Variants in SLC4A10 observed in about 807,000 individuals in gnomAD.
SLC4A10 encodes solute carrier family 4 member 10, also known as sodium-driven chloride bicarbonate exchanger.
In SLC4A10, 42 loss-of-function variants were observed where a neutral mutation model predicts 137.7. The observed-to-expected ratio is 0.30, with a 90% CI of 0.24 to 0.39. The LOEUF is 0.39. SLC4A10 is among the 10% of genes least tolerant of loss of function. SLC4A10 has a pLI of 1.00. For synonymous variants in SLC4A10, 474 were observed against 464.1 expected, an observed-to-expected ratio of 1.02 and a Z score of -0.27; for missense variants, 925 against 1,355.0, an observed-to-expected ratio of 0.68 and a Z score of 4.98.
intron 10 of SLC4A10, among the ~76,000 whole-genome samples, chr2:161,890,451 T>C (rs1269955092): frequency 6.6e-6 from 1 of 152,190 alleles, no homozygotes; most frequent in Admixed American, 6.5e-5. Context: ...TCTAAGAACT[T>C]GCTTTATGAA....
chr2:161,833,079 T>C (rs1324495599), intron 3 of SLC4A10, among the ~76,000 whole-genome samples: 1 of 152,178 alleles, frequency 6.6e-6, no homozygotes, highest in Non-Finnish European at 1.5e-5. Context: ...TAGAGATACA[T>C]ACCTACAGTG....
chr2:161,805,239 T>G (rs2125603833), intron 3 of SLC4A10, among the ~76,000 whole-genome samples: 1 of 152,250 alleles, frequency 6.6e-6, no homozygotes, highest in African/African-American at 2.4e-5. Context: ...CCTGTCCTCA[T>G]TATTCAATTA....
Position 161,915,693 on chromosome 2 carries a change from C to T in SLC4A10, c.1997+9806C>T, listed in dbSNP as rs530677586. Among the ~76,000 whole-genome samples, 16 of 152,322 alleles carry T rather than the reference C, an allele frequency of 1.1e-4. 1 individual carries two copies. In the South Asian group the frequency reaches 2.9e-3, roughly 28 times the overall value. On this transcript the variant is annotated intron_variant, in intron 15 of 26. Transcript: ENST00000446997. The stretch of plus-strand genomic sequence containing the variant: ...CTCTAAAGCAACCAGCCAGTTCCTG[C>T]ACTTGCTTGTTCTGGTTCCCACACT...
chr2:161,904,052 C>A lies in SLC4A10; in HGVS notation c.1491C>A (p.Phe497Leu). ...ATATCAAAAGAAAAGCTCCATACTT[C>A]TGGAGTGACTTCAGAGATGCTTTCA... is the stretch of plus-strand genomic sequence containing the variant. The part of the protein sequence containing the change: ...ILDIKRKAPY[F>L]WSDFRDAFSL... The change falls in exon 13 of 27, where the codon TTC (phenylalanine) becomes TTA (leucine). Residue 497 changes from phenylalanine to leucine, a missense_variant. Physicochemically the swap from Phe to Leu is conservative, Grantham distance 22 (BLOSUM62 0). Transcript: ENST00000446997. 1 of 1,597,884 alleles carries A rather than the reference C, an allele frequency of 6.3e-7. No individual in the cohort carries two copies. The highest frequency in any genetic ancestry group is 8.5e-7 in the Non-Finnish European group (1 of 1,171,130).
rs532321819 is a variant in SLC4A10, at chr2:161,827,463, C to A, written c.278-12326C>A. On this transcript the variant is annotated intron_variant, in intron 3 of 26. Coordinates refer to ENST00000446997, the MANE Select transcript of SLC4A10 (RefSeq NM_001178015.2). The stretch of plus-strand genomic sequence containing the variant: ...TTAATTAATGGCATGATTATTCTAC[C>A]TGCTTCAATTTGTAAAGCTCTCTAT... 1.3e-3 allele frequency among the ~76,000 whole-genome samples: 203 copies of A among 152,270 alleles called. 1 individual carries two copies. The highest frequency in any genetic ancestry group is 1.6e-3 in the Non-Finnish European group (110 of 68,024).
intron 13 of SLC4A10, 144 bp from the exon 14 acceptor site, chr2:161,904,632 T>G (rs1370466343): frequency 1.1e-6 from 1 of 910,970 alleles, no homozygotes; most frequent in Non-Finnish European, 1.6e-6. Context: ...TTAGTCATCC[T>G]TCTACCCCAC....
At chr2:161,937,353 C>T (rs933980404) in intron 15 of SLC4A10, among the ~76,000 whole-genome samples, 1 of 152,154 alleles carries the variant, frequency 6.6e-6, no homozygotes, top group African/African-American at 2.4e-5. Flanking sequence ...TCAGTCTGCA[C>T]AGTCTAGACC....
intron 2 of SLC4A10, among the ~76,000 whole-genome samples, chr2:161,783,702 A>T (rs1300816791): frequency 1.3e-5 from 2 of 151,876 alleles, no homozygotes; most frequent in East Asian, 3.9e-4. Flanking sequence ...ATCAGGAAAA[A>T]ATAGACTGTC....
intron 5 of SLC4A10, among the ~76,000 whole-genome samples, chr2:161,857,514 A>G (rs1361861812): frequency 6.6e-6 from 1 of 152,190 alleles, no homozygotes; most frequent in African/African-American, 2.4e-5. Flanking sequence ...CTTTACTGTC[A>G]TTACTAAGAA....
chr2:161,947,724 C>A lies in SLC4A10; in HGVS notation c.2262C>A (p.Thr754=). 6.2e-7 allele frequency: 1 copy of A among 1,611,312 alleles called. No homozygotes were observed. Among genetic ancestry groups the A allele is most frequent in the Admixed American group, 1.7e-5 (1 of 59,676 alleles). Residue 754 remains threonine, a synonymous_variant, in exon 17 of 27, where the codon ACC becomes ACA. Coordinates refer to ENST00000446997, the MANE Select transcript of SLC4A10 (RefSeq NM_001178015.2). The stretch of plus-strand genomic sequence containing the variant: ...TCAAGACTAGCAGATATTTTCCAAC[C>A]AAGGTACTTAGACTATTTCTTGATC... ...KQFKTSRYFP[T]KVRSIVSDFA... is the part of the protein sequence containing the mutation.
At chr2:161,942,316 T>G (rs1692858159) in intron 15 of SLC4A10, among the ~76,000 whole-genome samples, 2 of 152,154 alleles carry the variant, frequency 1.3e-5, no homozygotes, top group Admixed American at 6.6e-5. Context: ...TCTAAGGCTG[T>G]TAATTTGTGG....
At chr2:161,808,238 G>A (rs969010586) in intron 3 of SLC4A10, among the ~76,000 whole-genome samples, 4 of 151,606 alleles carry the variant, frequency 2.6e-5, no homozygotes, top group South Asian at 2.1e-4. Flanking sequence ...TATTCATTAA[G>A]CATATTCCTT....
At chr2:161,968,879 G>A (rs59058310) in intron 23 of SLC4A10, among the ~76,000 whole-genome samples, 2,010 of 152,240 alleles carry the variant, frequency 0.013, 40 homozygotes, top group East Asian at 0.099. Flanking sequence ...TTGTTTGCCC[G>A]GATCTTGGTA....
intron 1 of SLC4A10, among the ~76,000 whole-genome samples, chr2:161,687,014 C>T (rs2041491957): frequency 2.0e-5 from 3 of 151,938 alleles, no homozygotes; most frequent in East Asian, 1.9e-4. Context: ...TCCCGAGTAG[C>T]TGGACTATAG....
chr2:161,954,309 A>G (rs1278076645), intron 19 of SLC4A10, among the ~76,000 whole-genome samples: 1 of 152,188 alleles, frequency 6.6e-6, no homozygotes, highest in East Asian at 1.9e-4. Context: ...GCATCTGGGT[A>G]TCAGATGGTC....
chr2:161,948,599 G>A (rs1214550919), intron 17 of SLC4A10, among the ~76,000 whole-genome samples: 1 of 152,090 alleles, frequency 6.6e-6, no homozygotes, highest in East Asian at 1.9e-4. Context: ...TTATAAATGA[G>A]AAATGGCTTT....
intron 1 of SLC4A10, among the ~76,000 whole-genome samples, chr2:161,654,142 C>T (rs184796497): frequency 6.0e-4 from 91 of 152,186 alleles, no homozygotes; most frequent in African/African-American, 1.9e-3. Flanking sequence ...TGACAATGAC[C>T]GTCTTTTCAT....
At chr2:161,879,049 A>T in intron 8 of SLC4A10, 82 bp from the exon 9 acceptor site, 1 of 1,207,436 alleles carries the variant, frequency 8.3e-7, no homozygotes, top group East Asian at 2.4e-5. Context: ...ATGGATTACT[A>T]TATGTGAAGC....
At chr2:161,891,118 T>C (rs1227705307) in intron 10 of SLC4A10, among the ~76,000 whole-genome samples, 2 of 152,194 alleles carry the variant, frequency 1.3e-5, no homozygotes, top group African/African-American at 2.4e-5. Context: ...TGTTGAATAT[T>C]GGCCCCCACT....
Sources: allele counts gnomAD v4.1 joint callset (sites outside exome capture counted in the v4.1 genomes callset), GRCh38; gene constraint gnomAD v4.1.1; transcripts MANE v1.5; gene names NCBI Gene and HGNC (gene_info 2026-07-23, HGNC 2026-07-21).